Variants in LRRFIP2 observed in about 807,000 individuals in gnomAD.
The protein encoded by LRRFIP2 is leucine-rich repeat flightless-interacting protein 2.
A neutral mutation model predicts 125.9 loss-of-function variants in LRRFIP2; 109 were observed. The ratio of observed to expected loss-of-function variants is 0.87; its 90% confidence interval spans 0.74 to 1.01. The LOEUF (loss-of-function observed/expected upper bound fraction) is 1.01. Ranked by LOEUF, LRRFIP2 falls within the 50% of genes least tolerant of loss-of-function variation. LRRFIP2 has a pLI of 0.00. For missense variants in LRRFIP2, 850 were observed against 862.3 expected (o/e 0.99, Z 0.18); for synonymous variants, 291 against 293.1 (o/e 0.99, Z 0.07).
intron 1 of LRRFIP2, 51 bp downstream of exon 1, chr3:37,174,488 T>G (rs992352104): frequency 3.3e-5 from 5 of 152,172 alleles, no homozygotes; most frequent in African/African-American, 1.2e-4. Context: ...TGCTTTCCAC[T>G]CAAAAGACTA....
chr3:37,159,195 T>C (rs1248117076), intron 1 of LRRFIP2, among the ~76,000 whole-genome samples: 1 of 152,202 alleles, frequency 6.6e-6, no homozygotes, highest in Non-Finnish European at 1.5e-5. Flanking sequence ...CTTCACACTT[T>C]TGCACATGGA....
At chr3:37,123,879 C>T (rs1032291948) in intron 4 of LRRFIP2, among the ~76,000 whole-genome samples, 1 of 151,956 alleles carries the variant, frequency 6.6e-6, no homozygotes, top group Non-Finnish European at 1.5e-5. Flanking sequence ...TCAATTATGC[C>T]CCTTATATTA....
At chr3:37,090,956 G>C (rs1181283320) in intron 18 of LRRFIP2, among the ~76,000 whole-genome samples, 1 of 152,152 alleles carries the variant, frequency 6.6e-6, no homozygotes, top group Non-Finnish European at 1.5e-5. Context: ...TTTTCATTTA[G>C]CGTGGAAGAA....
intron 4 of LRRFIP2, among the ~76,000 whole-genome samples, chr3:37,122,371 C>T (rs948304096): frequency 2.6e-5 from 4 of 151,892 alleles, no homozygotes; most frequent in African/African-American, 9.7e-5. Flanking sequence ...GTATGTATGT[C>T]AGACCACTTG....
rs772472910 is a variant in LRRFIP2, at chr3:37,066,315, T to G, written c.1475A>C (p.Lys492Thr). Reference protein sequence around the residue: ...WKDKKIGALEKQKEYIACLRN... With the variant: ...WKDKKIGALETQKEYIACLRN... ...AAGGCAGGCAATGTATTCTTTCTGT[T>G]TCTCTAGGGCCTGGTTTTAGGTAAG... Residue 492 changes from lysine to threonine, a missense_variant, in exon 22 of 28, where the codon AAA becomes ACA. By Grantham distance (78) the Lys-to-Thr change is moderately conservative. Transcript: ENST00000336686. 1 of 1,613,922 alleles carries G rather than the reference T, an allele frequency of 6.2e-7. No individual in the cohort carries two copies. The highest frequency in any genetic ancestry group is 8.5e-7 in the Non-Finnish European group (1 of 1,179,904).
At chr3:37,101,023 A>G (rs146724225) in intron 15 of LRRFIP2, among the ~76,000 whole-genome samples, 4 of 152,324 alleles carry the variant, frequency 2.6e-5, no homozygotes, top group Non-Finnish European at 5.9e-5. Context: ...CTAATTATAA[A>G]TAATTATTTC....
At chr3:37,092,696 G>C (rs150371910) in intron 17 of LRRFIP2, among the ~76,000 whole-genome samples, 407 of 152,324 alleles carry the variant, frequency 2.7e-3, no homozygotes, top group African/African-American at 9.2e-3. Flanking sequence ...GCTGGTAAGA[G>C]CTCAATTAAT....
chr3:37,080,675 A>G (rs927498114), intron 19 of LRRFIP2, among the ~76,000 whole-genome samples: 3 of 152,126 alleles, frequency 2.0e-5, no homozygotes, highest in Admixed American at 2.0e-4. Flanking sequence ...AAAGGGAAAC[A>G]TGGTAAAGAT....
At chr3:37,088,246 C>T (rs1391083490) in intron 18 of LRRFIP2, among the ~76,000 whole-genome samples, 2 of 152,138 alleles carry the variant, frequency 1.3e-5, no homozygotes, top group East Asian at 3.9e-4. Context: ...ATACATCAGT[C>T]AATTTACAGC....
Position 37,054,428 on chromosome 3 carries a change from G to A in LRRFIP2, c.2038C>T (p.Arg680Trp), listed in dbSNP as rs764114896. ...AGAAGTACCTCTCGTTGTAGCTTCC[G>A]TTTTTCTGCTTTCAATTCATCTTCA... The part of the protein sequence containing the change: ...KVEDELKAEK[R>W]KLQRELRTAL... The change falls in exon 27 of 28, where the codon CGG becomes TGG. Residue 680 changes from arginine (R) to tryptophan (W), a missense_variant. Arg to Trp is a moderately radical substitution (Grantham distance 101, BLOSUM62 -3). Coordinates refer to ENST00000336686, the MANE Select transcript of LRRFIP2 (RefSeq NM_006309.4). The A allele has an allele frequency of 1.5e-5, 24 of 1,613,268 alleles. 1 individual carries two copies. The highest frequency in any genetic ancestry group is 8.8e-5 in the South Asian group (8 of 91,044).
chr3:37,139,100 G>A (rs1577300118), intron 2 of LRRFIP2, among the ~76,000 whole-genome samples: 1 of 152,178 alleles, frequency 6.6e-6, no homozygotes, highest in African/African-American at 2.4e-5. Flanking sequence ...TCCTGTGCAG[G>A]ATGATGTGAG....
At chr3:37,161,925 G>A (rs1351338651) in intron 1 of LRRFIP2, among the ~76,000 whole-genome samples, 1 of 151,898 alleles carries the variant, frequency 6.6e-6, no homozygotes, top group Non-Finnish European at 1.5e-5. Flanking sequence ...GTTCATGTCT[G>A]TAATCCCAAC....
Position 37,108,120 on chromosome 3 carries a change from A to G in LRRFIP2, c.667T>C (p.Cys223Arg). ...CTTATTCTTGATGAATAATAACTGC[A>G]TTCAGATGGCTATAAAGTTTCCAAG... ...NPYGPRTPSE[C>R]SYYSSRISSA... Residue 223 changes from cysteine (C) to arginine (R), a missense_variant, in exon 13 of 28, where the codon TGC becomes CGC. Cys to Arg is a radical substitution (Grantham distance 180). Coordinates refer to ENST00000336686, the MANE Select transcript of LRRFIP2 (RefSeq NM_006309.4). The G allele has an allele frequency of 1.2e-6, 2 of 1,613,606 alleles. No homozygotes were observed. The highest frequency in any genetic ancestry group is 1.3e-5 in the African/African-American group (1 of 75,052).
At chr3:37,133,628 C>A (rs1245369024) in intron 2 of LRRFIP2, among the ~76,000 whole-genome samples, 2 of 152,008 alleles carry the variant, frequency 1.3e-5, no homozygotes, top group Non-Finnish European at 2.9e-5. Context: ...ATAGTGGTTG[C>A]CAGGGACTGA....
intron 2 of LRRFIP2, among the ~76,000 whole-genome samples, chr3:37,132,036 T>A (rs1408000347): frequency 6.6e-6 from 1 of 152,182 alleles, no homozygotes; most frequent in East Asian, 1.9e-4. Context: ...TTTTCTCCCA[T>A]GAATTTTACA....
chr3:37,123,955 A>G (rs767143918), intron 4 of LRRFIP2, among the ~76,000 whole-genome samples: 1 of 152,224 alleles, frequency 6.6e-6, no homozygotes, highest in Non-Finnish European at 1.5e-5. Flanking sequence ...ATATTTAAAC[A>G]GCTTTTCTTG....
chr3:37,062,826 G>A (rs1350461266), intron 24 of LRRFIP2, among the ~76,000 whole-genome samples: 3 of 152,108 alleles, frequency 2.0e-5, no homozygotes, highest in South Asian at 2.1e-4. Flanking sequence ...CTCTTCTCAG[G>A]AAGCTACTGG....
rs2148692957 is a variant in LRRFIP2, at chr3:37,060,917, AC to A, written c.1750-2008del. ...CTCAATTTCTGGTATATCTCCTCTT[AC>A]GGTTTGGATGTCTGTCCCCTCCAAA... On this transcript the variant is annotated intron_variant, in intron 24 of 27. Coordinates refer to ENST00000336686, the MANE Select transcript of LRRFIP2 (RefSeq NM_006309.4). The surrounding 1 kb of genome is among the most constrained non-coding windows in gnomAD (Gnocchi z 4.1). Among the ~76,000 whole-genome samples the A allele has an allele frequency of 6.6e-6, 1 of 152,182 alleles. No homozygotes were observed. Among genetic ancestry groups the A allele is most frequent in the Admixed American group, 6.5e-5 (1 of 15,288 alleles).
chr3:37,150,251 T>C (rs568908591), intron 1 of LRRFIP2, among the ~76,000 whole-genome samples: 2 of 151,828 alleles, frequency 1.3e-5, no homozygotes, highest in East Asian at 2.0e-4. Flanking sequence ...TCACCTGGGA[T>C]CAGGAGTTCA....
Sources: allele counts gnomAD v4.1 joint callset (sites outside exome capture counted in the v4.1 genomes callset), GRCh38; gene constraint gnomAD v4.1.1; non-coding constraint Gnocchi (gnomAD v3.1); transcripts MANE v1.5; gene names NCBI Gene and HGNC (gene_info 2026-07-23, HGNC 2026-07-21).